The following AGRP variants were observed in gnomAD, a reference collection of about 807,000 sequenced individuals.
AGRP encodes the protein agouti-related protein.
A neutral mutation model predicts 13.6 loss-of-function variants in AGRP; 8 were observed. That is an observed-to-expected ratio of 0.59 (90% confidence interval 0.35 to 1.06). AGRP has a LOEUF of 1.06. Ranked by LOEUF, AGRP falls within the 50% of genes least tolerant of loss-of-function variation. The probability of loss-of-function intolerance (pLI) is 0.02; values close to 1 mark genes in which losing one functional copy is unlikely to be tolerated. For synonymous variants in AGRP, 63 were observed against 72.4 expected (o/e 0.87, Z 0.66); for missense variants, 155 against 174.8 (o/e 0.89, Z 0.64).
Position 67,482,578 on chromosome 16 carries a change from C to T in AGRP, c.*58G>A, listed in dbSNP as rs1165854893. 4.4e-6 allele frequency: 7 copies of T among 1,599,768 alleles called. No individual in the cohort carries two copies. The highest frequency in any genetic ancestry group is 6.0e-6 in the Non-Finnish European group (7 of 1,167,956). ...AATAACCACAGCCTTGGGGTTGGTC[C>T]CATCCTTTATTCGAGTTTCCTTGCC... On this transcript the variant is annotated 3_prime_UTR_variant, in exon 4 of 4. Transcript: ENST00000290953.
At chr16:67,483,192 G>A in intron 2 of AGRP, 77 bp downstream of exon 2, 2 of 1,609,278 alleles carry the variant, frequency 1.2e-6, no homozygotes, top group East Asian at 4.5e-5. Flanking sequence ...GGGAGAAAGA[G>A]GGTTTATGCC....
At chr16:67,482,957 G>A (rs2041519072) in intron 3 of AGRP, 68 bp downstream of exon 3, 1 of 1,573,978 alleles carries the variant, frequency 6.4e-7, no homozygotes, top group East Asian at 2.2e-5. Flanking sequence ...TTGGAGCTGG[G>A]GAGAGGAGCT....
rs2041520885 is a variant in AGRP, at chr16:67,483,032, A to C, written c.209T>G (p.Leu70Trp). Residue 70 changes from leucine (L) to tryptophan (W), a missense_variant, in exon 3 of 4, where the codon TTG becomes TGG. Transcript: ENST00000290953. ...TTTTCCCTGAGCAGTTACCTCTGCC[A>C]AGGCCTGAGCCTCCTGCAACAGATC... ...EEDLLQEAQALAEVLDLQDRE... is the reference protein window; with the variant it reads ...EEDLLQEAQAWAEVLDLQDRE... 1 of 1,614,020 alleles carries C rather than the reference A, an allele frequency of 6.2e-7. No homozygotes were observed. The highest frequency in any genetic ancestry group is 1.3e-5 in the African/African-American group (1 of 74,928).
At position 67,482,640 on chromosome 16, in the gene AGRP, G is replaced by T. The variant is rs1367457531; in HGVS notation, c.395C>A (p.Thr132Asn). The T allele has an allele frequency of 2.5e-6, 4 of 1,614,176 alleles. No individual in the cohort carries two copies. Among genetic ancestry groups the T allele is most frequent in the Non-Finnish European group, 8.5e-7 (1 of 1,180,024 alleles). ...CCCGACCCTGACGTTGGCCAGCTAG[G>T]TGCGGCTGCAGGGATTCATGGCAGT... Reference protein sequence around the residue: ...LGTAMNPCSRT With the variant: ...LGTAMNPCSRN Residue 132 changes from threonine to asparagine, a missense_variant, in exon 4 of 4, where the codon ACC becomes AAC. Physicochemically the swap from Thr to Asn is moderately conservative, Grantham distance 65 (BLOSUM62 0). Coordinates refer to ENST00000290953, the MANE Select transcript of AGRP (RefSeq NM_001138.2).
In AGRP at chr16:67,482,976, A is replaced by G. The variant is rs377541623; in HGVS notation, c.216+49T>C. Reference sequence around the variant, plus strand: ...AGCTGGGGAGAGGAGCTAATACCCAATGCCCCCTCCCAAGGGCCACCACCT... The same window carrying G: ...AGCTGGGGAGAGGAGCTAATACCCAGTGCCCCCTCCCAAGGGCCACCACCT... On this transcript the variant is annotated intron_variant, in intron 3 of 3. Transcript: ENST00000290953. 63 of 1,594,512 alleles carry G rather than the reference A, an allele frequency of 4.0e-5. No individual in the cohort carries two copies. In the East Asian group the frequency reaches 4.5e-4, roughly 11 times the overall value.
Position 67,482,703 on chromosome 16 carries a change from C to T in AGRP, c.332G>A (p.Arg111His), listed in dbSNP as rs199927717. The stretch of plus-strand genomic sequence containing the variant: ...GCAGTAGCAGAAGGCATTGAAGAAG[C>T]GGCAGTAGCACGTGGCACATGGGTC... ...CCDPCATCYC[R>H]FFNAFCYCRK... is the part of the protein sequence containing the mutation. Residue 111 changes from arginine to histidine, a missense_variant, in exon 4 of 4, where the codon CGC becomes CAC. Physicochemically the swap from Arg to His is conservative, Grantham distance 29 (BLOSUM62 0). Coordinates refer to ENST00000290953, the MANE Select transcript of AGRP (RefSeq NM_001138.2). The T allele has an allele frequency of 5.0e-6, 8 of 1,614,184 alleles. No homozygotes were observed. In the East Asian group the frequency reaches 1.3e-4, roughly 27 times the overall value.
Position 67,482,607 on chromosome 16 carries a change from A to G in AGRP, c.*29T>C, listed in dbSNP as rs750456078. 1 of 1,613,460 alleles carries G rather than the reference A, an allele frequency of 6.2e-7. No homozygotes were observed. Among genetic ancestry groups the G allele is most frequent in the Non-Finnish European group, 8.5e-7 (1 of 1,179,644 alleles). On this transcript the variant is annotated 3_prime_UTR_variant, in exon 4 of 4. Transcript: ENST00000290953. ...CCTTTATTCGAGTTTCCTTGCCCCT[A>G]CCCTAGCCCCGACCCTGACGTTGGC...
At position 67,482,663 on chromosome 16, in the gene AGRP, A is replaced by G; in HGVS notation, c.372T>C (p.Thr124=). Residue 124 remains threonine, a synonymous_variant, in exon 4 of 4, where the codon ACT becomes ACC. Coordinates refer to ENST00000290953, the MANE Select transcript of AGRP (RefSeq NM_001138.2). ...NAFCYCRKLG[T]AMNPCSRT Reference sequence around the variant, plus strand: ...AGGTGCGGCTGCAGGGATTCATGGCAGTACCCAGCTTGCGGCAGTAGCAGA... The same window carrying G: ...AGGTGCGGCTGCAGGGATTCATGGCGGTACCCAGCTTGCGGCAGTAGCAGA... 3.1e-6 allele frequency: 5 copies of G among 1,614,210 alleles called. No individual in the cohort carries two copies. Among genetic ancestry groups the G allele is most frequent in the Non-Finnish European group, 4.2e-6 (5 of 1,180,038 alleles).
intron 2 of AGRP, 28 bp from the exon 3 acceptor site, chr16:67,483,138 C>T (rs752197823): frequency 5.6e-6 from 9 of 1,612,252 alleles, no homozygotes; most frequent in East Asian, 4.5e-5. Context: ...AGGGCAGGAA[C>T]CCCCATGCAC....
Position 67,482,614 on chromosome 16 carries a change from CCCCGA to C in AGRP, c.*17_*21del. The C allele has an allele frequency of 6.2e-7, 1 of 1,614,094 alleles. No homozygotes were observed. The highest frequency in any genetic ancestry group is 8.5e-7 in the Non-Finnish European group (1 of 1,179,964). The stretch of plus-strand genomic sequence containing the variant: ...TCGAGTTTCCTTGCCCCTACCCTAG[CCCCGA>C]CCCTGACGTTGGCCAGCTAGGTGCG... On this transcript the variant is annotated 3_prime_UTR_variant, in exon 4 of 4. Coordinates refer to ENST00000290953, the MANE Select transcript of AGRP (RefSeq NM_001138.2).
Position 67,483,258 on chromosome 16 carries a change from C to T in AGRP, c.130+11G>A. On this transcript the variant is annotated intron_variant, in intron 2 of 3. Transcript: ENST00000290953. ...CAGGCCCCGCCCAGTCCCACCCTTG[C>T]TCACACTGACCTGGGAGCTCTGGGA... 3 of 1,583,286 alleles carry T rather than the reference C, an allele frequency of 1.9e-6. No individual in the cohort carries two copies. The highest frequency in any genetic ancestry group is 2.3e-5 in the East Asian group (1 of 44,374).
chr16:67,483,074 G>T lies in AGRP; in HGVS notation c.167C>A (p.Ala56Glu), dbSNP rs148303268. ...GLRAPLKKTT[A>E]EQAEEDLLQE... The stretch of plus-strand genomic sequence containing the variant: ...CAACAGATCCTCTTCTGCCTGTTCT[G>T]CAGTTGTCTTCTTCAGTGGGGCCCG... Residue 56 changes from alanine to glutamate, a missense_variant, in exon 3 of 4, where the codon GCA (alanine) becomes GAA (glutamate). Transcript: ENST00000290953. 1 of 1,614,200 alleles carries T rather than the reference G, an allele frequency of 6.2e-7. No individual in the cohort carries two copies. Among genetic ancestry groups the T allele is most frequent in the Non-Finnish European group, 8.5e-7 (1 of 1,180,004 alleles).
chr16:67,483,541 G>C lies in AGRP; in HGVS notation c.-28C>G, dbSNP rs1335802512. On this transcript the variant is annotated 5_prime_UTR_variant, in exon 1 of 4. Transcript: ENST00000290953. ...CCTCTGCCTCCGGGATTCTTGCCTA[G>C]AGAGTTCCCGGCCACCCCGTGCCCT... 2.0e-6 allele frequency: 2 copies of C among 987,748 alleles called. No individual in the cohort carries two copies. Among genetic ancestry groups the C allele is most frequent in the Non-Finnish European group, 2.8e-6 (2 of 727,186 alleles). 61.2% of individuals were successfully genotyped at this position (987,748 alleles called of 1,614,324 possible).
rs772682095 is a variant in AGRP, at chr16:67,482,763, T to C, written c.272A>G (p.His91Arg). The C allele has an allele frequency of 3.1e-6, 5 of 1,614,170 alleles. No individual in the cohort carries two copies. The South Asian group carries it at 3.3e-5, about 11-fold the overall frequency. Residue 91 changes from histidine to arginine, a missense_variant, in exon 4 of 4, where the codon CAT (histidine) becomes CGT (arginine). By Grantham distance (29) the His-to-Arg change is conservative. Coordinates refer to ENST00000290953, the MANE Select transcript of AGRP (RefSeq NM_001138.2). ...PRSSRRCVRLHESCLGQQVPC... is the reference protein window; with the variant it reads ...PRSSRRCVRLRESCLGQQVPC... ...CACCTGCTGTCCCAGGCAGGACTCA[T>C]GCAGCCTTACGCAGCGACGTGAGGA...
chr16:67,483,323 C>T lies in AGRP; in HGVS notation c.76G>A (p.Ala26Thr). The part of the protein sequence containing the change: ...PATRGAQMGL[A>T]PMEGIRRPDQ... The stretch of plus-strand genomic sequence containing the variant: ...GGCCTTCTGATGCCCTCCATGGGGG[C>T]CAAGCCCATCTGGGCTCCTCGCGTG... The change falls in exon 2 of 4, where the codon GCC (alanine) becomes ACC (threonine). Residue 26 changes from alanine to threonine, a missense_variant. Coordinates refer to ENST00000290953, the MANE Select transcript of AGRP (RefSeq NM_001138.2). 6.3e-7 allele frequency: 1 copy of T among 1,577,258 alleles called. No homozygotes were observed. Among genetic ancestry groups the T allele is most frequent in the Non-Finnish European group, 8.6e-7 (1 of 1,163,544 alleles).
chr16:67,482,878 C>G (rs2041516543), intron 3 of AGRP, 60 bp from the exon 4 acceptor site: 2 of 1,600,920 alleles, frequency 1.2e-6, no homozygotes. Flanking sequence ...CTTACCTGTC[C>G]CAACCTGTGC....
chr16:67,483,226 G>C (rs2041526009), intron 2 of AGRP, 43 bp downstream of exon 2: 1 of 1,587,022 alleles, frequency 6.3e-7, no homozygotes, highest in African/African-American at 1.3e-5. Flanking sequence ...TGTGGCCAGA[G>C]GGTATTCAGG....
chr16:67,483,027 C>T lies in AGRP; in HGVS notation c.214G>A (p.Glu72Lys). Residue 72 changes from glutamate (E) to lysine (K), a missense_variant and splice_region_variant, in exon 3 of 4, where the codon GAG becomes AAG. By Grantham distance (56) the Glu-to-Lys change is moderately conservative. Coordinates refer to ENST00000290953, the MANE Select transcript of AGRP (RefSeq NM_001138.2). Reference sequence around the variant, plus strand: ...TACCCTTTTCCCTGAGCAGTTACCTCTGCCAAGGCCTGAGCCTCCTGCAAC... The same window carrying T: ...TACCCTTTTCCCTGAGCAGTTACCTTTGCCAAGGCCTGAGCCTCCTGCAAC... The part of the protein sequence containing the change: ...DLLQEAQALA[E>K]VLDLQDREPR... 2 of 1,614,198 alleles carry T rather than the reference C, an allele frequency of 1.2e-6. No homozygotes were observed. Among genetic ancestry groups the T allele is most frequent in the Non-Finnish European group, 1.7e-6 (2 of 1,180,010 alleles).
intron 2 of AGRP, 52 bp from the exon 3 acceptor site, chr16:67,483,162 C>T: frequency 6.2e-7 from 1 of 1,612,112 alleles, no homozygotes; most frequent in Non-Finnish European, 8.5e-7. Context: ...GCACCCACCT[C>T]CCAGGGGAGG....
Sources: allele counts gnomAD v4.1 joint callset, GRCh38; gene constraint gnomAD v4.1.1; transcripts MANE v1.5; gene names NCBI Gene and HGNC (gene_info 2026-07-23, HGNC 2026-07-21).